The following DGKZ variants were observed in gnomAD, a reference collection of about 807,000 sequenced individuals.
The protein encoded by DGKZ is DAG kinase zeta.
Under a neutral mutation model 142.5 loss-of-function variants are expected in DGKZ, and 45 were observed. The observed-to-expected ratio is 0.32, with a 90% CI of 0.25 to 0.40. DGKZ has a LOEUF of 0.40. DGKZ is among the 10% of genes least tolerant of loss of function. DGKZ has a pLI of 1.00. For missense variants in DGKZ, 755 were observed against 1,306.5 expected, an observed-to-expected ratio of 0.58 and a Z score of 6.51; for synonymous variants, 442 against 527.0, an observed-to-expected ratio of 0.84 and a Z score of 2.21.
At chr11:46,373,998 T>C (rs1302387451) in intron 14 of DGKZ, among the ~76,000 whole-genome samples, 159 bp from the exon 15 acceptor site, 1 of 152,220 alleles carries the variant, frequency 6.6e-6, no homozygotes, top group Non-Finnish European at 1.5e-5. Context: ...AGCAGGGCTG[T>C]GCCTGACAGC....
At chr11:46,353,131 C>T (rs1045462033) in intron 1 of DGKZ, among the ~76,000 whole-genome samples, 3 of 152,162 alleles carry the variant, frequency 2.0e-5, no homozygotes, top group Non-Finnish European at 2.9e-5. Context: ...CTTGTAAATT[C>T]ATCAGTTTCA....
At chr11:46,366,602 A>G in intron 1 of DGKZ, 1 of 1,608,092 alleles carries the variant, frequency 6.2e-7, no homozygotes, top group Non-Finnish European at 8.5e-7. Context: ...GCTTGTGGGC[A>G]TGAATGAGGA....
chr11:46,376,385 T>G (rs1486741939), exon 23 of DGKZ: 1 of 1,613,964 alleles, frequency 6.2e-7, no homozygotes, highest in Non-Finnish European at 8.5e-7. Flanking sequence ...CCCCAAGTGG[T>G]GCTTCCTGGA....
intron 1 of DGKZ, among the ~76,000 whole-genome samples, chr11:46,354,342 A>AT (rs1162509394): frequency 6.6e-6 from 1 of 152,096 alleles, no homozygotes; most frequent in Non-Finnish European, 1.5e-5. Flanking sequence ...GGGGGCCCCC[A>AT]TACCGGGCTC....
chr11:46,367,882 T>C lies in DGKZ; in HGVS notation c.367-120T>C. On this transcript the variant is annotated intron_variant, in intron 3 of 30. Coordinates refer to ENST00000527911, the Ensembl canonical transcript of DGKZ. The surrounding 1 kb of genome is among the most constrained non-coding windows in gnomAD (Gnocchi z 4.1). ...CCAGGATGGTGAGGGGTGCAGGGGCTTTGTCCGGATGCCAGGACTGGGGCT... is the reference window on the plus strand; with the variant it reads ...CCAGGATGGTGAGGGGTGCAGGGGCCTTGTCCGGATGCCAGGACTGGGGCT... 2.6e-6 allele frequency: 4 copies of C among 1,513,836 alleles called. No homozygotes were observed. Among genetic ancestry groups the C allele is most frequent in the Non-Finnish European group, 2.7e-6 (3 of 1,092,268 alleles). The allele number at this position is 1,513,836 out of a possible 1,614,324, so 93.8% of individuals were successfully genotyped here. A position where few individuals can be genotyped will look rare whatever the true frequency, so the allele number is the denominator to read the frequency against.
At chr11:46,341,480 G>C (rs187885999) in intron 1 of DGKZ, among the ~76,000 whole-genome samples, 51 of 152,334 alleles carry the variant, frequency 3.3e-4, no homozygotes, top group Non-Finnish European at 1.6e-4. Context: ...TGAAATATTT[G>C]TCGTACAAAT....
upstream of DGKZ, chr11:46,347,391 C>G (rs1258014569): frequency 1.0e-6 from 1 of 983,680 alleles, no homozygotes; most frequent in African/African-American, 1.8e-5. This position sits in a 1 kb window ranked among gnomAD's most constrained non-coding sequence, Gnocchi z 6.4. Context: ...ACCGTGCGGC[C>G]GAGGGGGCGT....
In DGKZ at chr11:46,372,734, C is replaced by T. The variant is rs1430628239; in HGVS notation, c.1072-37C>T. On this transcript the variant is annotated intron_variant, in intron 12 of 30. Coordinates refer to ENST00000527911, the Ensembl canonical transcript of DGKZ. This position sits in a 1 kb window ranked among gnomAD's most constrained non-coding sequence, Gnocchi z 5.9. ...AGGGCTGGGCCTGAAGCCGGGGTCC[C>T]TGTGGGCCTGATTTGCCTCTGTTCT... The T allele has an allele frequency of 4.3e-6, 7 of 1,610,512 alleles. No individual in the cohort carries two copies. In the East Asian group the frequency reaches 1.6e-4, roughly 36 times the overall value.
At position 46,372,236 on chromosome 11, in the gene DGKZ, C is replaced by G. The variant is rs1002402489; in HGVS notation, c.927+66C>G. 2 of 1,449,804 alleles carry G rather than the reference C, an allele frequency of 1.4e-6. No individual in the cohort carries two copies. Among genetic ancestry groups the G allele is most frequent in the Non-Finnish European group, 1.9e-6 (2 of 1,067,428 alleles). 89.8% of individuals were successfully genotyped at this position (1,449,804 alleles called of 1,614,324 possible). A position where few individuals can be genotyped will look rare whatever the true frequency, so the allele number is the denominator to read the frequency against. On this transcript the variant is annotated intron_variant, in intron 10 of 30. Coordinates refer to ENST00000527911, the Ensembl canonical transcript of DGKZ. This position sits in a 1 kb window ranked among gnomAD's most constrained non-coding sequence, Gnocchi z 5.9. ...GGTTGGGGTCCAGCCCGTCTGCCAG[C>G]AGCTGTTCCCAGAGCCCGTTTCTGG... is the stretch of plus-strand genomic sequence containing the variant.
At chr11:46,380,011 C>T (rs576503814) in exon 31 of DGKZ, 3 of 1,446,890 alleles carry the variant, frequency 2.1e-6, no homozygotes, top group Non-Finnish European at 1.9e-6. Flanking sequence ...CCTTGCCCAC[C>T]TCACTGCCAC....
Position 46,372,319 on chromosome 11 carries a change from C to T in DGKZ, c.928-109C>T, listed in dbSNP as rs961973342. Reference sequence around the variant, plus strand: ...TGAGAAAATCCTGTCCTTTCTCCACCCCTCACCCCTTATTGGCCCTGGTTC... The same window carrying T: ...TGAGAAAATCCTGTCCTTTCTCCACTCCTCACCCCTTATTGGCCCTGGTTC... On this transcript the variant is annotated intron_variant, in intron 10 of 30. Transcript: ENST00000527911. The surrounding 1 kb of genome is among the most constrained non-coding windows in gnomAD (Gnocchi z 5.9). 2.2e-6 allele frequency: 3 copies of T among 1,367,552 alleles called. No individual in the cohort carries two copies. The African/African-American group carries it at 4.3e-5, about 20-fold the overall frequency. The allele number at this position is 1,367,552 out of a possible 1,614,324, so 84.7% of individuals were successfully genotyped here.
At position 46,367,029 on chromosome 11, in the gene DGKZ, T is replaced by G; in HGVS notation, c.162-262T>G. On this transcript the variant is annotated intron_variant, in intron 1 of 30. Transcript: ENST00000527911. The surrounding 1 kb of genome is among the most constrained non-coding windows in gnomAD (Gnocchi z 4.1). ...GCAGGGCGAGTGGTGTGACCTCCTG[T>G]GGGTCTGGCCTGGGCATGGGCCTTG... 6.8e-7 allele frequency: 1 copy of G among 1,480,116 alleles called. No individual in the cohort carries two copies. The highest frequency in any genetic ancestry group is 8.9e-7 in the Non-Finnish European group (1 of 1,119,922). The allele number at this position is 1,480,116 out of a possible 1,614,324, so 91.7% of individuals were successfully genotyped here.
chr11:46,375,714 G>T (rs1944451875), intron 20 of DGKZ, 83 bp downstream of exon 20: 1 of 1,510,460 alleles, frequency 6.6e-7, no homozygotes, highest in African/African-American at 1.4e-5. Flanking sequence ...TCTGTAAAAG[G>T]GGCTGACTGT....
upstream of DGKZ, chr11:46,347,437 T>C: frequency 5.1e-6 from 5 of 982,048 alleles, no homozygotes; most frequent in Middle Eastern, 5.2e-4. This position sits in a 1 kb window ranked among gnomAD's most constrained non-coding sequence, Gnocchi z 6.4. Flanking sequence ...CGGCCAGCTA[T>C]GCGGGGTCCT....
At chr11:46,378,292 G>A (rs1944791485) in intron 26 of DGKZ, 63 bp downstream of exon 26, 3 of 1,568,576 alleles carry the variant, frequency 1.9e-6, no homozygotes, top group African/African-American at 2.7e-5. Context: ...GCTCAGTGGG[G>A]TGGGGATAGG....
intron 14 of DGKZ, 130 bp downstream of exon 14, chr11:46,373,231 T>TTATTCCCATC: frequency 9.6e-7 from 1 of 1,041,082 alleles, no homozygotes; most frequent in Non-Finnish European, 1.3e-6. Context: ...CCTTGTACGA[T>TTATTCCCATC]GGGAATAATA....
chr11:46,372,238 G>A lies in DGKZ; in HGVS notation c.927+68G>A. ...TTGGGGTCCAGCCCGTCTGCCAGCA[G>A]CTGTTCCCAGAGCCCGTTTCTGGCT... On this transcript the variant is annotated intron_variant, in intron 10 of 30. Coordinates refer to ENST00000527911, the Ensembl canonical transcript of DGKZ. The surrounding 1 kb of genome is among the most constrained non-coding windows in gnomAD (Gnocchi z 5.9). The A allele has an allele frequency of 6.9e-7, 1 of 1,456,288 alleles. No individual in the cohort carries two copies. Among genetic ancestry groups the A allele is most frequent in the South Asian group, 1.3e-5 (1 of 77,420 alleles). 90.2% of individuals were successfully genotyped at this position (1,456,288 alleles called of 1,614,324 possible). A position where few individuals can be genotyped will look rare whatever the true frequency, so the allele number is the denominator to read the frequency against.
chr11:46,367,890 G>T lies in DGKZ; in HGVS notation c.367-112G>T. The stretch of plus-strand genomic sequence containing the variant: ...GTGAGGGGTGCAGGGGCTTTGTCCG[G>T]ATGCCAGGACTGGGGCTTCCCAGTG... On this transcript the variant is annotated intron_variant, in intron 3 of 30. Coordinates refer to ENST00000527911, the Ensembl canonical transcript of DGKZ. This position sits in a 1 kb window ranked among gnomAD's most constrained non-coding sequence, Gnocchi z 4.1. The T allele has an allele frequency of 6.6e-7, 1 of 1,523,448 alleles. No individual in the cohort carries two copies. The highest frequency in any genetic ancestry group is 9.1e-7 in the Non-Finnish European group (1 of 1,100,308). The allele number at this position is 1,523,448 out of a possible 1,614,324, so 94.4% of individuals were successfully genotyped here. A position where few individuals can be genotyped will look rare whatever the true frequency, so the allele number is the denominator to read the frequency against.
intron 1 of DGKZ, chr11:46,333,515 G>A: frequency 2.0e-6 from 3 of 1,534,598 alleles, no homozygotes; most frequent in South Asian, 2.4e-5. Flanking sequence ...AGAGGGGAGC[G>A]CGGCGCTTGG....
Sources: allele counts gnomAD v4.1 joint callset (sites outside exome capture counted in the v4.1 genomes callset), GRCh38; gene constraint gnomAD v4.1.1; non-coding constraint Gnocchi (gnomAD v3.1); transcripts MANE v1.5; gene names NCBI Gene and HGNC (gene_info 2026-07-23, HGNC 2026-07-21).